The following P2RX5 variants were observed in gnomAD, a reference collection of about 807,000 sequenced individuals.
P2RX5 encodes purinergic receptor P2X 5.
In P2RX5, 46 loss-of-function variants were observed where a neutral mutation model predicts 54.1. The observed-to-expected ratio is 0.85, with a 90% CI of 0.67 to 1.09. The LOEUF is 1.09. Among genes scored for constraint, P2RX5 ranks in the 50% least tolerant of loss-of-function variants. The pLI, the probability that P2RX5 is intolerant of heterozygous loss-of-function variation, is 0.00. For synonymous variants in P2RX5, 226 were observed against 226.4 expected, an observed-to-expected ratio of 1.00 and a Z score of 0.02; for missense variants, 566 against 549.8, an observed-to-expected ratio of 1.03 and a Z score of -0.29.
intron 11 of P2RX5, 85 bp from the exon 12 acceptor site, chr17:3,673,962 C>G (rs149082947): frequency 4.0e-6 from 5 of 1,243,328 alleles, no homozygotes; most frequent in Non-Finnish European, 5.8e-6. Context: ...GGGAGAAGGG[C>G]CTTCCCAAGT....
At chr17:3,699,467 C>T (rs1452010989), upstream of P2RX5, among the ~76,000 whole-genome samples, 1 of 151,980 alleles carries the variant, frequency 6.6e-6, no homozygotes, top group Non-Finnish European at 1.5e-5. Flanking sequence ...AGGAGGATCT[C>T]TTGAGCCTGG....
intron 11 of P2RX5, chr17:3,677,740 G>A (rs758351410): frequency 1.5e-5 from 15 of 985,220 alleles, no homozygotes; most frequent in East Asian, 1.1e-4. Context: ...CACAGCATGC[G>A]TCAATACATG....
At chr17:3,702,807 T>C in the P2RX5 span, among the ~76,000 whole-genome samples, 1 of 152,224 alleles carries the variant, frequency 6.6e-6, no homozygotes, top group African/African-American at 2.4e-5. Context: ...ATTGGGACTA[T>C]ATGCGTGAGC....
At chr17:3,709,553 A>G in the P2RX5 span, among the ~76,000 whole-genome samples, 1 of 152,158 alleles carries the variant, frequency 6.6e-6, no homozygotes, top group East Asian at 1.9e-4. Flanking sequence ...AGATCACTTG[A>G]GCTCAGGAGT....
At chr17:3,720,453 A>T in the P2RX5 span, 4 of 856,626 alleles carry the variant, frequency 4.7e-6, no homozygotes, top group Non-Finnish European at 6.0e-6. Flanking sequence ...TTAGACATGA[A>T]CTCACTGTGT....
rs759403970 is a variant in P2RX5, at chr17:3,677,300, C to T, written c.1259+2290G>A. 2.3e-5 allele frequency: 23 copies of T among 985,204 alleles called. No individual in the cohort carries two copies. The African/African-American group carries it at 3.5e-4, about 15-fold the overall frequency. The allele number at this position is 985,204 out of a possible 1,614,324, so 61.0% of individuals were successfully genotyped here. On this transcript the variant is annotated intron_variant, in intron 11 of 11. Coordinates refer to ENST00000225328, the MANE Select transcript of P2RX5 (RefSeq NM_002561.4). ...GGGCAGGAGCTCGGCAGGGTCAAGG[C>T]GACTGTATCTCCCATCTGGGCAGGT...
intron 1 of P2RX5, chr17:3,692,144 A>AC (rs2050635085): frequency 9.4e-6 from 2 of 213,696 alleles, no homozygotes; most frequent in South Asian, 7.1e-5. Context: ...CTCTACTCAA[A>AC]AAAAAAAAAA....
chr17:3,676,816 C>T (rs1012167922), intron 11 of P2RX5, among the ~76,000 whole-genome samples: 1 of 152,216 alleles, frequency 6.6e-6, no homozygotes, highest in African/African-American at 2.4e-5. Flanking sequence ...AATCCCAGCA[C>T]TTTGGGAGGC....
rs2050296976 is a variant in P2RX5 at position 3,681,970 on chromosome 17, G to A, written c.990C>T (p.Phe330=). 1.9e-6 allele frequency: 3 copies of A among 1,611,748 alleles called. No homozygotes were observed. The highest frequency in any genetic ancestry group is 2.5e-6 in the Non-Finnish European group (3 of 1,178,084). Residue 330 remains phenylalanine (F), a synonymous_variant, in exon 10 of 12, where the codon TTC becomes TTT. Coordinates refer to ENST00000225328, the MANE Select transcript of P2RX5 (RefSeq NM_002561.4). ...GGTAGATGAGTACCAGGTCGCAGAA[G>A]AAAGCACCCTGCAAAACAGGGGTTC... ...FDVMVNGKGA[F]FCDLVLIYLI...
At chr17:3,702,163 G>A in the P2RX5 span, among the ~76,000 whole-genome samples, 3 of 152,090 alleles carry the variant, frequency 2.0e-5, no homozygotes, top group South Asian at 2.1e-4. Context: ...GCACCAATCA[G>A]TACTCTGTGT....
the P2RX5 span, among the ~76,000 whole-genome samples, chr17:3,713,674 C>T: frequency 0.38 from 57,051 of 150,554 alleles, 12,925 homozygotes; most frequent in South Asian, 0.59. Flanking sequence ...CGCTTGAACC[C>T]GGGAGGCGGA....
chr17:3,675,557 T>TC (rs556078835), intron 11 of P2RX5: 160 of 983,264 alleles, frequency 1.6e-4, no homozygotes, highest in Non-Finnish European at 1.8e-4. Context: ...ATCTTCACTT[T>TC]CTTTTTTTTT....
chr17:3,712,518 A>G, the P2RX5 span, among the ~76,000 whole-genome samples: 1 of 152,190 alleles, frequency 6.6e-6, no homozygotes, highest in Non-Finnish European at 1.5e-5. Flanking sequence ...TACTTCTCAG[A>G]GCTCTCCACG....
At chr17:3,681,737 G>A (rs1413831390) in intron 10 of P2RX5, among the ~76,000 whole-genome samples, 159 bp downstream of exon 10, 1 of 152,134 alleles carries the variant, frequency 6.6e-6, no homozygotes, top group Non-Finnish European at 1.5e-5. Context: ...GGCCGAATCC[G>A]GTTCTGTAGA....
upstream of P2RX5, among the ~76,000 whole-genome samples, chr17:3,698,979 C>G (rs2737109): frequency 0.56 from 84,095 of 150,856 alleles, 24,470 homozygotes; most frequent in African/African-American, 0.69. Context: ...GCTGAAGCAG[C>G]AGAACCGCTT....
At chr17:3,679,964 CTCT>C (rs2050196112) in intron 10 of P2RX5, among the ~76,000 whole-genome samples, 180 bp from the exon 11 acceptor site, 1 of 147,896 alleles carries the variant, frequency 6.8e-6, no homozygotes, top group African/African-American at 2.6e-5. Flanking sequence ...CTCCACCCTG[CTCT>C]CTCCACCCTG....
At chr17:3,703,550 C>T in the P2RX5 span, among the ~76,000 whole-genome samples, 3 of 152,060 alleles carry the variant, frequency 2.0e-5, no homozygotes, top group East Asian at 1.9e-4. Flanking sequence ...GAAAACTCCT[C>T]ATTTCCCTAT....
upstream of P2RX5, among the ~76,000 whole-genome samples, chr17:3,698,725 C>G (rs1003839728): frequency 1.3e-5 from 2 of 152,178 alleles, no homozygotes; most frequent in East Asian, 3.9e-4. Flanking sequence ...CAGCCAAGAC[C>G]AGGCTGCAAC....
chr17:3,701,426 C>T, the P2RX5 span, among the ~76,000 whole-genome samples: 2 of 152,288 alleles, frequency 1.3e-5, no homozygotes, highest in East Asian at 1.9e-4. Context: ...GGCGTGATGG[C>T]TCACGCCTGT....
Sources: gnomAD v4.1 joint callset for allele counts (sites outside exome capture counted in the v4.1 genomes callset) on GRCh38, gnomAD v4.1.1 for gene constraint, MANE v1.5 for transcripts, NCBI Gene and HGNC (gene_info 2026-07-23, HGNC 2026-07-21) for gene names.